The following ATP13A5 variants were observed in gnomAD, a reference collection of about 807,000 sequenced individuals.
The protein encoded by ATP13A5 is ATPase 13A5.
Under a neutral mutation model 150.2 loss-of-function variants are expected in ATP13A5, and 149 were observed. The observed-to-expected ratio is 0.99, with a 90% CI of 0.87 to 1.14. ATP13A5 has a LOEUF of 1.14. Ranked by LOEUF, ATP13A5 falls within the 50% of genes most tolerant of loss-of-function variation. ATP13A5 has a pLI of 0.00. For synonymous variants in ATP13A5, 497 were observed against 522.2 expected (o/e 0.95, Z 0.66); for missense variants, 1,383 against 1,449.3 (o/e 0.95, Z 0.74).
chr3:193,316,947 A>G (rs1484022272), intron 17 of ATP13A5, among the ~76,000 whole-genome samples: 1 of 152,220 alleles, frequency 6.6e-6, no homozygotes, highest in East Asian at 1.9e-4. Flanking sequence ...ATAGGGAGAA[A>G]TCTTCTTGAT....
intron 9 of ATP13A5, among the ~76,000 whole-genome samples, chr3:193,336,738 T>C: frequency 6.6e-6 from 1 of 152,218 alleles, no homozygotes; most frequent in East Asian, 1.9e-4. Context: ...TTATAATCCT[T>C]TGGGTATATA....
At chr3:193,357,472 GA>G (rs771310565) in intron 5 of ATP13A5, among the ~76,000 whole-genome samples, 2 of 152,116 alleles carry the variant, frequency 1.3e-5, no homozygotes, top group Non-Finnish European at 2.9e-5. Context: ...TGTGTTTAGA[GA>G]TCATGTACCC....
Position 193,312,112 on chromosome 3 carries a change from A to T in ATP13A5, c.2320-171T>A, listed in dbSNP as rs117701184. On this transcript the variant is annotated intron_variant, in intron 19 of 29. Transcript: ENST00000342358. ...ACCCATAGGAAAAAACACTCAAAAC[A>T]TTCCCCCCAAGATTATGTAAACATA... 6.2e-4 allele frequency among the ~76,000 whole-genome samples: 94 copies of T among 152,318 alleles called. No homozygotes were observed. In the East Asian group the frequency reaches 0.017, roughly 28 times the overall value.
intron 27 of ATP13A5, among the ~76,000 whole-genome samples, chr3:193,282,624 G>A (rs1012613592): frequency 6.6e-5 from 10 of 152,158 alleles, no homozygotes; most frequent in African/African-American, 1.7e-4. Flanking sequence ...TGATCTGCCC[G>A]CCTTGGCCTC....
chr3:193,374,640 G>GAC (rs113705500), intron 1 of ATP13A5, among the ~76,000 whole-genome samples: 300 of 93,204 alleles, frequency 3.2e-3, no homozygotes, highest in Non-Finnish European at 5.3e-3. Flanking sequence ...GTAAGACCAT[G>GAC]ACACACACAC....
At position 193,307,374 on chromosome 3, in the gene ATP13A5, G is replaced by C; in HGVS notation, c.2526-5C>G. 1 of 1,613,642 alleles carries C rather than the reference G, an allele frequency of 6.2e-7. No homozygotes were observed. The highest frequency in any genetic ancestry group is 8.5e-7 in the Non-Finnish European group (1 of 1,179,782). On this transcript the variant is annotated splice_region_variant and splice_polypyrimidine_tract_variant and intron_variant, in intron 21 of 29. Coordinates refer to ENST00000342358, the MANE Select transcript of ATP13A5 (RefSeq NM_198505.4). Reference sequence around the variant, plus strand: ...CCACACATGCCCACATAATAACTGCGGGAGACAGGAGAAGAAGGATTAATA... The same window carrying C: ...CCACACATGCCCACATAATAACTGCCGGAGACAGGAGAAGAAGGATTAATA...
chr3:193,347,490 T>G (rs557435422), intron 7 of ATP13A5, among the ~76,000 whole-genome samples: 27 of 151,332 alleles, frequency 1.8e-4, no homozygotes, highest in African/African-American at 6.1e-4. Flanking sequence ...AGCATTTTTT[T>G]TCTTTAAGAA....
At chr3:193,340,135 T>TCAA (rs1712060713) in intron 9 of ATP13A5, among the ~76,000 whole-genome samples, 1 of 152,210 alleles carries the variant, frequency 6.6e-6, no homozygotes, top group Admixed American at 6.5e-5. Context: ...TTGCTCATAA[T>TCAA]CAACTGTACA....
In ATP13A5 at chr3:193,275,259, C is replaced by G; in HGVS notation, c.3440G>C (p.Arg1147Thr). The G allele has an allele frequency of 6.2e-7, 1 of 1,614,014 alleles. No individual in the cohort carries two copies. Among genetic ancestry groups the G allele is most frequent in the African/African-American group, 1.3e-5 (1 of 75,020 alleles). The change falls in exon 30 of 30, where the codon AGA becomes ACA. Residue 1147 changes from arginine (R) to threonine (T), a missense_variant. Transcript: ENST00000342358. ...QNHELWLLIK[R>T]EFGFYSKSQY... Reference sequence around the variant, plus strand: ...ACTTTTAGAGTAGAATCCAAATTCTCTTTTGATCAACAGCCAGAGTTCATG... The same window carrying G: ...ACTTTTAGAGTAGAATCCAAATTCTGTTTTGATCAACAGCCAGAGTTCATG...
intron 25 of ATP13A5, among the ~76,000 whole-genome samples, chr3:193,295,304 A>G (rs1718123252): frequency 6.6e-6 from 1 of 151,986 alleles, no homozygotes; most frequent in Non-Finnish European, 1.5e-5. Flanking sequence ...CTCTTCTTTT[A>G]GCAAAAGATA....
In ATP13A5 at chr3:193,356,301, C is replaced by T. The variant is rs796239371; in HGVS notation, c.537-2105G>A. Among the ~76,000 whole-genome samples the T allele has an allele frequency of 5.9e-5, 9 of 152,036 alleles. No homozygotes were observed. The South Asian group carries it at 1.9e-3, about 32-fold the overall frequency. ...CAAAAAAAAAAAAGACTGTATCTTC[C>T]ACTATAATGTAAGCTTCCAGAGGAC... is the stretch of plus-strand genomic sequence containing the variant. On this transcript the variant is annotated intron_variant, in intron 5 of 29. Coordinates refer to ENST00000342358, the MANE Select transcript of ATP13A5 (RefSeq NM_198505.4).
Position 193,354,132 on chromosome 3 carries a change from T to G in ATP13A5, c.601A>C (p.Lys201Gln). ...EIQPIWKLLVKQVLNPFYVFQ... is the reference protein window; with the variant it reads ...EIQPIWKLLVQQVLNPFYVFQ... ...AAAGAAAAGAAAACAGTTACCTGTT[T>G]AACAAGCAGCTTCCATATGGGTTGG... The change falls in exon 6 of 30, where the codon AAA becomes CAA. Residue 201 changes from lysine to glutamine, a missense_variant. This residue lies in a region of ATP13A5 where 787 missense variants were observed against 771.9 expected (regional missense o/e 1.02). Coordinates refer to ENST00000342358, the MANE Select transcript of ATP13A5 (RefSeq NM_198505.4). 1 of 1,606,158 alleles carries G rather than the reference T, an allele frequency of 6.2e-7. No individual in the cohort carries two copies. The highest frequency in any genetic ancestry group is 8.5e-7 in the Non-Finnish European group (1 of 1,177,946).
chr3:193,349,014 T>A (rs945258228), intron 7 of ATP13A5, among the ~76,000 whole-genome samples: 2 of 152,206 alleles, frequency 1.3e-5, no homozygotes, highest in Non-Finnish European at 2.9e-5. Context: ...ATGTATGTTT[T>A]ATTTCATAAT....
chr3:193,292,657 A>G (rs1718013379), intron 25 of ATP13A5, among the ~76,000 whole-genome samples: 1 of 152,128 alleles, frequency 6.6e-6, no homozygotes, highest in Non-Finnish European at 1.5e-5. Flanking sequence ...ATCAAATCCA[A>G]AAGCATTAAC....
chr3:193,330,556 TG>T (rs574214777), intron 12 of ATP13A5, among the ~76,000 whole-genome samples: 45 of 152,278 alleles, frequency 3.0e-4, no homozygotes, highest in Non-Finnish European at 5.4e-4. Flanking sequence ...ACTCACGTCA[TG>T]GGGGGGTGTC....
intron 8 of ATP13A5, among the ~76,000 whole-genome samples, 193 bp downstream of exon 8, chr3:193,344,810 C>T (rs1712268210): frequency 6.6e-6 from 1 of 152,138 alleles, no homozygotes; most frequent in Admixed American, 6.6e-5. Flanking sequence ...GGCCCTGCAG[C>T]TGTGGGGTCA....
chr3:193,332,038 G>A (rs912283542), intron 11 of ATP13A5, among the ~76,000 whole-genome samples: 9 of 152,092 alleles, frequency 5.9e-5, no homozygotes, highest in African/African-American at 2.2e-4. Context: ...GATACGGTTT[G>A]GCTGTGTCCC....
chr3:193,333,306 T>C (rs1051774977), intron 11 of ATP13A5, among the ~76,000 whole-genome samples: 6 of 152,158 alleles, frequency 3.9e-5, no homozygotes, highest in Admixed American at 2.0e-4. Flanking sequence ...CACACTGTTA[T>C]GATCCCAGAC....
At chr3:193,321,971 TTGTG>T in intron 15 of ATP13A5, 134 bp from the exon 16 acceptor site, 10 of 1,030,694 alleles carry the variant, frequency 9.7e-6, no homozygotes, top group Non-Finnish European at 1.2e-5. Context: ...AACATTGATT[TTGTG>T]TGTGTGTGTG....
Sources: gnomAD v4.1 joint callset for allele counts (sites outside exome capture counted in the v4.1 genomes callset) on GRCh38, gnomAD v4.1.1 for gene constraint, gnomAD v4.1.1 regional missense constraint, MANE v1.5 for transcripts, NCBI Gene and HGNC (gene_info 2026-07-23, HGNC 2026-07-21) for gene names.